Variants in BPIFB4 observed in about 807,000 individuals in gnomAD.
BPIFB4 encodes BPI fold containing family B member 4, also known as BPI fold-containing family B member 4.
Under a neutral mutation model 69.2 loss-of-function variants are expected in BPIFB4, and 62 were observed. The observed-to-expected ratio is 0.90, with a 90% CI of 0.73 to 1.11. The LOEUF (loss-of-function observed/expected upper bound fraction) is 1.11. Ranked by LOEUF, BPIFB4 falls within the 50% of genes least tolerant of loss-of-function variation. The pLI is 0.00. For synonymous variants in BPIFB4, 330 were observed against 332.7 expected (o/e 0.99, Z 0.09); for missense variants, 789 against 792.0 (o/e 1.00, Z 0.04).
At chr20:33,107,678 G>C (rs112961921) in intron 16 of BPIFB4, 66 bp from the exon 17 acceptor site, 25,746 of 1,192,110 alleles carry the variant, frequency 0.022, 591 homozygotes, top group African/African-American at 0.11. Flanking sequence ...ACAAATACTG[G>C]CGGCTTCTGG....
chr20:33,096,516 CTG>C (rs1981757985), intron 12 of BPIFB4, among the ~76,000 whole-genome samples: 1 of 152,220 alleles, frequency 6.6e-6, no homozygotes, highest in South Asian at 2.1e-4. Flanking sequence ...CTCAAGTGAT[CTG>C]CCCACCTCGG....
At chr20:33,093,156 C>T (rs931077981) in intron 11 of BPIFB4, among the ~76,000 whole-genome samples, 1 of 152,136 alleles carries the variant, frequency 6.6e-6, no homozygotes, top group African/African-American at 2.4e-5. Context: ...TCACTTAGAT[C>T]CACTAGTTAA....
At chr20:33,090,189 C>T (rs576209300) in intron 9 of BPIFB4, among the ~76,000 whole-genome samples, 10 of 152,202 alleles carry the variant, frequency 6.6e-5, no homozygotes, top group Non-Finnish European at 1.5e-4. Context: ...ACAGGGCAGC[C>T]GTCTCTGATA....
chr20:33,102,500 G>A (rs1171057149), intron 14 of BPIFB4, among the ~76,000 whole-genome samples: 1 of 152,212 alleles, frequency 6.6e-6, no homozygotes, highest in Admixed American at 6.5e-5. Flanking sequence ...CAGGGTGCGA[G>A]GCCTAGGCTA....
chr20:33,108,421 G>GGCTATAGATATATATATATATATA (rs1982135712), intron 17 of BPIFB4, among the ~76,000 whole-genome samples: 1 of 44,672 alleles, frequency 2.2e-5, no homozygotes. Context: ...ATATATATAT[G>GGCTATAGATATATATATATATATA]TCTATATATA....
At chr20:33,090,034 T>C (rs1981553214) in intron 9 of BPIFB4, among the ~76,000 whole-genome samples, 1 of 152,226 alleles carries the variant, frequency 6.6e-6, no homozygotes, top group Non-Finnish European at 1.5e-5. Flanking sequence ...CGGACCCTGA[T>C]TTCTGAGTGA....
chr20:33,101,617 C>T (rs1282359732), intron 14 of BPIFB4, among the ~76,000 whole-genome samples: 1 of 152,182 alleles, frequency 6.6e-6, no homozygotes, highest in African/African-American at 2.4e-5. Flanking sequence ...ACAGTCACGG[C>T]TCACTGCAGC....
intron 13 of BPIFB4, 102 bp downstream of exon 13, chr20:33,097,889 C>T: frequency 7.8e-7 from 1 of 1,278,644 alleles, no homozygotes; most frequent in Non-Finnish European, 1.1e-6. Flanking sequence ...CAATCTCCAC[C>T]ATCATGACTA....
chr20:33,111,600 G>A lies in BPIFB4; in HGVS notation c.*163G>A. 2 of 830,544 alleles carry A rather than the reference G, an allele frequency of 2.4e-6. No homozygotes were observed. The highest frequency in any genetic ancestry group is 3.8e-6 in the Non-Finnish European group (2 of 525,904). The allele number at this position is 830,544 out of a possible 1,614,324, so 51.4% of individuals were successfully genotyped here. ...CTCCCTTGCCCCAACCCTGAGAAAGGGTCCAGCCACTACCCTGTTGGCAAA... is the reference window on the plus strand; with the variant it reads ...CTCCCTTGCCCCAACCCTGAGAAAGAGTCCAGCCACTACCCTGTTGGCAAA... On this transcript the variant is annotated 3_prime_UTR_variant, in exon 18 of 18. Coordinates refer to ENST00000375483, the MANE Select transcript of BPIFB4 (RefSeq NM_182519.3).
chr20:33,085,869 G>A, intron 6 of BPIFB4, 152 bp from the exon 7 acceptor site: 1 of 899,098 alleles, frequency 1.1e-6, no homozygotes. Context: ...CGTGTGACTT[G>A]AGGGACCAGG....
At chr20:33,082,335 T>G (rs1409672504) in intron 3 of BPIFB4, among the ~76,000 whole-genome samples, 2 of 152,126 alleles carry the variant, frequency 1.3e-5, no homozygotes, top group Non-Finnish European at 2.9e-5. Flanking sequence ...TTATTTTATT[T>G]TATTTTATTT....
At chr20:33,086,929 G>A (rs927110) in intron 7 of BPIFB4, among the ~76,000 whole-genome samples, 53,367 of 151,970 alleles carry the variant, frequency 0.35, 10,266 homozygotes, top group East Asian at 0.78. Flanking sequence ...CTTCTCTCTT[G>A]GAGGCCTCTG....
intron 16 of BPIFB4, among the ~76,000 whole-genome samples, chr20:33,105,305 G>T (rs764935475): frequency 9.2e-5 from 14 of 152,116 alleles, no homozygotes; most frequent in Non-Finnish European, 1.9e-4. Context: ...TATTTTTAAT[G>T]ATACAGGAAC....
At chr20:33,094,806 C>T (rs1981710724) in intron 11 of BPIFB4, among the ~76,000 whole-genome samples, 1 of 152,184 alleles carries the variant, frequency 6.6e-6, no homozygotes, top group African/African-American at 2.4e-5. Flanking sequence ...CCGTTCTCGC[C>T]CAAGAATAAC....
chr20:33,107,776 A>G lies in BPIFB4; in HGVS notation c.1777A>G (p.Ile593Val). Residue 593 changes from isoleucine to valine, a missense_variant, in exon 17 of 18, where the codon ATC (isoleucine) becomes GTC (valine). Around this residue, in one of 3 missense-constraint regions of BPIFB4, gnomAD observed 170 missense variants for 193.6 expected, o/e 0.88. Coordinates refer to ENST00000375483, the MANE Select transcript of BPIFB4 (RefSeq NM_182519.3). The stretch of plus-strand genomic sequence containing the variant: ...GGGTTCTGGCGTCCCTCTCCCCAAA[A>G]TCCTCAACATCGACTTTAGCAATGC... Reference protein sequence around the residue: ...VLGSGVPLPKILNIDFSNADI... With the variant: ...VLGSGVPLPKVLNIDFSNADI... 1 of 1,614,128 alleles carries G rather than the reference A, an allele frequency of 6.2e-7. No homozygotes were observed. Among genetic ancestry groups the G allele is most frequent in the Non-Finnish European group, 8.5e-7 (1 of 1,179,970 alleles).
chr20:33,092,011 G>T lies in BPIFB4; in HGVS notation c.1144-447G>T, dbSNP rs149575217. ...CCTGTGGGAAGGCTCCATGGTGGGG[G>T]TAGTGGTGTTGTGGGGAGACTGCAA... On this transcript the variant is annotated intron_variant, in intron 10 of 17. Transcript: ENST00000375483. 1.7e-3 allele frequency among the ~76,000 whole-genome samples: 258 copies of T among 152,290 alleles called. 1 individual carries two copies. Among genetic ancestry groups the T allele is most frequent in the Admixed American group, 2.9e-3 (44 of 15,306 alleles).
intron 16 of BPIFB4, among the ~76,000 whole-genome samples, chr20:33,107,202 A>C (rs891613860): frequency 6.7e-4 from 94 of 140,442 alleles, no homozygotes; most frequent in Middle Eastern, 3.6e-3. Flanking sequence ...AGACTCAGTT[A>C]AAAAAAAAAA....
chr20:33,111,398 T>C lies in BPIFB4; in HGVS notation c.1822-16T>C. On this transcript the variant is annotated splice_polypyrimidine_tract_variant and intron_variant, in intron 17 of 17. Coordinates refer to ENST00000375483, the MANE Select transcript of BPIFB4 (RefSeq NM_182519.3). ...CCACCCCACCCATCACCGGCTACTC[T>C]GTTCTGCCATCCAAGGACCTTTTGG... 5 of 1,613,960 alleles carry C rather than the reference T, an allele frequency of 3.1e-6. No homozygotes were observed. The highest frequency in any genetic ancestry group is 4.2e-6 in the Non-Finnish European group (5 of 1,179,868).
chr20:33,097,679 A>T lies in BPIFB4; in HGVS notation c.1461A>T (p.Pro487=). The T allele has an allele frequency of 6.2e-7, 1 of 1,614,046 alleles. No homozygotes were observed. Among genetic ancestry groups the T allele is most frequent in the Non-Finnish European group, 8.5e-7 (1 of 1,179,896 alleles). The change falls in exon 13 of 18, where the codon CCA becomes CCT. Residue 487 remains proline (P), a synonymous_variant. Coordinates refer to ENST00000375483, the MANE Select transcript of BPIFB4 (RefSeq NM_182519.3). ...TCAGGATCCAGGTGCTGAACCCACC[A>T]TCTGTGATGCTGCAGAAGGACAAAG... ...LIIRIQVLNP[P]SVMLQKDKAL... is the part of the protein sequence containing the mutation.
Sources: allele counts gnomAD v4.1 joint callset (sites outside exome capture counted in the v4.1 genomes callset), GRCh38; gene constraint gnomAD v4.1.1; regional missense constraint gnomAD v4.1.1; transcripts MANE v1.5; gene names NCBI Gene and HGNC (gene_info 2026-07-23, HGNC 2026-07-21).